Variants in HEATR3 observed in about 807,000 individuals in gnomAD.
HEATR3 encodes the protein HEAT repeat containing 3, also known as HEAT repeat-containing protein 3.
Under a neutral mutation model 72.8 loss-of-function variants are expected in HEATR3, and 56 were observed. The ratio of observed to expected loss-of-function variants is 0.77; its 90% CI spans 0.62 to 0.96. The LOEUF (loss-of-function observed/expected upper bound fraction) is 0.96. HEATR3 is among the 40% of genes least tolerant of loss of function. The pLI is 0.00. For synonymous variants in HEATR3, 331 were observed against 318.1 expected (o/e 1.04, Z -0.43); for missense variants, 747 against 831.4 (o/e 0.90, Z 1.25).
intron 7 of HEATR3, among the ~76,000 whole-genome samples, chr16:50,081,800 T>G (rs1446774556): frequency 6.6e-6 from 1 of 152,212 alleles, no homozygotes; most frequent in Non-Finnish European, 1.5e-5. Context: ...TGGGGGCACA[T>G]GCAAAAGTAG....
chr16:50,080,249 CAT>C (rs2036837545), intron 7 of HEATR3: 1 of 152,006 alleles, frequency 6.6e-6, no homozygotes, highest in Non-Finnish European at 1.5e-5. Flanking sequence ...CTTTTCCCCT[CAT>C]ATGAGCAAAC....
In HEATR3 at chr16:50,082,299, T is replaced by A. The variant is rs374603495; in HGVS notation, c.1042-1638T>A. Reference sequence around the variant, plus strand: ...CGGAGATTGCAGTGAGCCGAGATCATGCCACTGCACTCCAGCCTGAGTGAC... The same window carrying A: ...CGGAGATTGCAGTGAGCCGAGATCAAGCCACTGCACTCCAGCCTGAGTGAC... On this transcript the variant is annotated intron_variant, in intron 7 of 14. Transcript: ENST00000299192. 1.1e-4 allele frequency among the ~76,000 whole-genome samples: 16 copies of A among 152,032 alleles called. No homozygotes were observed. The East Asian group carries it at 2.9e-3, about 28-fold the overall frequency.
chr16:50,066,572 C>T (rs1567421971), intron 2 of HEATR3, 33 bp downstream of exon 2: 82 of 1,268,842 alleles, frequency 6.5e-5, no homozygotes, highest in Non-Finnish European at 7.9e-5. Context: ...CGGTGCCCAC[C>T]GCTGGCCTCC....
intron 12 of HEATR3, 36 bp from the exon 13 acceptor site, chr16:50,100,194 T>C: frequency 1.3e-6 from 2 of 1,588,992 alleles, no homozygotes; most frequent in Non-Finnish European, 1.7e-6. Flanking sequence ...TAATTGAGTT[T>C]AACATTATAA....
chr16:50,070,128 G>T, intron 3 of HEATR3, 50 bp from the exon 4 acceptor site: 1 of 905,534 alleles, frequency 1.1e-6, no homozygotes, highest in Admixed American at 2.1e-5. Flanking sequence ...TACCCTATTT[G>T]TTTAATTCTT....
At position 50,078,340 on chromosome 16, in the gene HEATR3, TTA is replaced by T. The variant is rs754272669; in HGVS notation, c.764-397_764-396del. On this transcript the variant is annotated intron_variant, in intron 6 of 14. Transcript: ENST00000299192. ...AAAAATTAAGAACCTACTCTCATGT[TTA>T]TATGTCAGACCAACCTTGGAATTTT... is the stretch of plus-strand genomic sequence containing the variant. Among the ~76,000 whole-genome samples, 13 of 152,382 alleles carry T rather than the reference TTA, an allele frequency of 8.5e-5. No homozygotes were observed. In the East Asian group the frequency reaches 2.3e-3, roughly 27 times the overall value.
chr16:50,075,633 G>T lies in HEATR3; in HGVS notation c.685G>T (p.Ala229Ser). The T allele has an allele frequency of 2.5e-6, 4 of 1,613,692 alleles. No individual in the cohort carries two copies. The highest frequency in any genetic ancestry group is 3.4e-6 in the Non-Finnish European group (4 of 1,179,624). ...PELLKSFSAT[A>S]LNMLESALLS... ...GCTGCTGAAGTCTTTCAGTGCTACA[G>T]CATTGAACATGCTGGAATCAGCACT... Residue 229 changes from alanine (A) to serine (S), a missense_variant, in exon 6 of 15, where the codon GCA becomes TCA. Around this residue, in one of 2 missense-constraint regions of HEATR3, gnomAD observed 586 missense variants for 708.8 expected, o/e 0.83. Transcript: ENST00000299192.
intron 6 of HEATR3, among the ~76,000 whole-genome samples, chr16:50,078,220 G>T (rs1302583403): frequency 6.6e-6 from 1 of 151,718 alleles, no homozygotes; most frequent in African/African-American, 2.4e-5. Context: ...AGTTCTTTTG[G>T]GTTTATAGTC....
chr16:50,072,170 A>G (rs568372181), intron 4 of HEATR3, among the ~76,000 whole-genome samples: 2 of 152,286 alleles, frequency 1.3e-5, no homozygotes, highest in African/African-American at 4.8e-5. Flanking sequence ...TCATTGTGGT[A>G]TGGAGGAAAG....
intron 6 of HEATR3, among the ~76,000 whole-genome samples, chr16:50,077,342 A>G (rs755450056): frequency 4.7e-5 from 7 of 148,154 alleles, no homozygotes; most frequent in Non-Finnish European, 8.9e-5. Flanking sequence ...TTTTGTAGAG[A>G]TGGCATCTCA....
intron 11 of HEATR3, among the ~76,000 whole-genome samples, chr16:50,089,602 A>G (rs149990145): frequency 2.8e-4 from 42 of 152,338 alleles, no homozygotes; most frequent in African/African-American, 9.6e-4. Context: ...ATTTTGGAGT[A>G]ACAGAATGTT....
At chr16:50,091,867 C>G (rs1314507537) in intron 11 of HEATR3, among the ~76,000 whole-genome samples, 2 of 136,560 alleles carry the variant, frequency 1.5e-5, no homozygotes, top group Non-Finnish European at 1.5e-5. Context: ...GAGCGAGACT[C>G]TGTCTCAAAA....
chr16:50,083,800 TC>T (rs2036923526), intron 7 of HEATR3, 136 bp from the exon 8 acceptor site: 4 of 671,724 alleles, frequency 6.0e-6, no homozygotes, highest in Non-Finnish European at 1.0e-5. Flanking sequence ...TCATGACTTT[TC>T]TTTTACCTAC....
intron 9 of HEATR3, 85 bp from the exon 10 acceptor site, chr16:50,084,484 A>G (rs1010545842): frequency 8.6e-7 from 1 of 1,156,190 alleles, no homozygotes; most frequent in Non-Finnish European, 1.3e-6. Flanking sequence ...CATTTCACTT[A>G]GGAGTAATAT....
At chr16:50,066,683 C>T (rs934568581) in intron 2 of HEATR3, 144 bp downstream of exon 2, 1 of 761,084 alleles carries the variant, frequency 1.3e-6, no homozygotes, top group African/African-American at 1.8e-5. Context: ...TGAAGCCAGT[C>T]TCCAGGCTCC....
rs775300442 is a variant in HEATR3, at chr16:50,066,163, G to A, written c.32G>A (p.Arg11Gln). The A allele has an allele frequency of 2.5e-6, 4 of 1,597,054 alleles. No homozygotes were observed. The highest frequency in any genetic ancestry group is 1.7e-5 in the Admixed American group (1 of 57,682). ...AAGAGCCGGACGAAGCGCTTCAAGC[G>A]ACCTCAGTTCTCCCCTACGGGCGAC... MGKSRTKRFK[R>Q]PQFSPTGDCQ... The change falls in exon 1 of 15, where the codon CGA becomes CAA. Residue 11 changes from arginine to glutamine, a missense_variant. This residue lies in a region of HEATR3 where 161 missense variants were observed against 122.6 expected (regional missense o/e 1.31). Coordinates refer to ENST00000299192, the MANE Select transcript of HEATR3 (RefSeq NM_182922.4).
At chr16:50,092,156 T>C (rs1210023595) in intron 11 of HEATR3, among the ~76,000 whole-genome samples, 1 of 151,716 alleles carries the variant, frequency 6.6e-6, no homozygotes, top group African/African-American at 2.4e-5. Flanking sequence ...GTACATATGA[T>C]GAGACCCTGT....
intron 7 of HEATR3, 24 bp from the exon 8 acceptor site, chr16:50,083,913 T>G: frequency 1.3e-6 from 2 of 1,510,434 alleles, no homozygotes; most frequent in Non-Finnish European, 1.8e-6. Flanking sequence ...GAGTTGGTCA[T>G]TTACTTTTTT....
At chr16:50,094,631 GT>G (rs2037191438) in intron 11 of HEATR3, 73 bp from the exon 12 acceptor site, 4 of 810,446 alleles carry the variant, frequency 4.9e-6, no homozygotes, top group Non-Finnish European at 5.9e-6. Flanking sequence ...AGCATGCTTT[GT>G]TTTGTTTGTT....
Sources: gnomAD v4.1 joint callset for allele counts (sites outside exome capture counted in the v4.1 genomes callset) on GRCh38, gnomAD v4.1.1 for gene constraint, gnomAD v4.1.1 regional missense constraint, MANE v1.5 for transcripts, NCBI Gene and HGNC (gene_info 2026-07-23, HGNC 2026-07-21) for gene names.